The following KIF6 variants were observed in gnomAD, a reference collection of about 807,000 sequenced individuals.
KIF6 encodes kinesin-like protein KIF6.
In KIF6, 106 loss-of-function variants were observed where a neutral mutation model predicts 112.7. That is an observed-to-expected ratio of 0.94 (90% CI 0.80 to 1.11). The LOEUF is 1.11. KIF6 is among the 50% of genes least tolerant of loss of function. The probability of loss-of-function intolerance (pLI) is 0.00; values close to 1 mark genes in which losing one functional copy is unlikely to be tolerated. For missense variants in KIF6, 929 were observed against 964.0 expected (o/e 0.96, Z 0.48); for synonymous variants, 339 against 339.9 (o/e 1.00, Z 0.03).
At chr6:39,640,117 C>T (rs1007374309) in intron 3 of KIF6, among the ~76,000 whole-genome samples, 8 of 152,076 alleles carry the variant, frequency 5.3e-5, no homozygotes, top group Non-Finnish European at 1.0e-4. Context: ...TGGTACCTCA[C>T]ATGGTGTAAA....
At chr6:39,632,929 A>C (rs1582320248) in intron 5 of KIF6, among the ~76,000 whole-genome samples, 1 of 152,120 alleles carries the variant, frequency 6.6e-6, no homozygotes, top group Non-Finnish European at 1.5e-5. Context: ...CAAGCTTCAA[A>C]ATTTTTATAG....
chr6:39,441,720 C>G (rs963760892), intron 13 of KIF6, among the ~76,000 whole-genome samples: 1 of 152,246 alleles, frequency 6.6e-6, no homozygotes, highest in Non-Finnish European at 1.5e-5. Context: ...AGGACACTCA[C>G]TCAACCTACT....
chr6:39,382,411 C>T (rs1767027764), intron 16 of KIF6, among the ~76,000 whole-genome samples: 1 of 152,142 alleles, frequency 6.6e-6, no homozygotes, highest in Admixed American at 6.5e-5. Context: ...CAAGTGAGAA[C>T]ATGCGGTATA....
chr6:39,692,033 T>TA (rs747656427), intron 3 of KIF6, among the ~76,000 whole-genome samples: 1 of 152,196 alleles, frequency 6.6e-6, no homozygotes, highest in East Asian at 1.9e-4. Flanking sequence ...ATTTGGAAGA[T>TA]ACTACTCCAG....
Position 39,635,079 on chromosome 6 carries a change from G to A in KIF6, c.400-121C>T, listed in dbSNP as rs1784556655. On this transcript the variant is annotated intron_variant, in intron 4 of 22. Coordinates refer to ENST00000287152, the MANE Select transcript of KIF6 (RefSeq NM_145027.6). ...TCTCTCTTTTTCTCTCACTTTATAT[G>A]GTTTACATTTTCAGTTCATGACACT... The A allele has an allele frequency of 1.1e-5, 7 of 615,504 alleles. No individual in the cohort carries two copies. The East Asian group carries it at 2.0e-4, about 18-fold the overall frequency. 38.1% of individuals were successfully genotyped at this position (615,504 alleles called of 1,614,324 possible).
chr6:39,433,571 G>A (rs1043115547), intron 13 of KIF6, among the ~76,000 whole-genome samples: 6 of 152,142 alleles, frequency 3.9e-5, no homozygotes, highest in African/African-American at 9.7e-5. Flanking sequence ...CTTCTGTCAC[G>A]GACAAAGTAT....
At position 39,507,683 on chromosome 6, in the gene KIF6, CCTTCCTACCTTCCTTCCTT is replaced by C. The variant is rs1423971589; in HGVS notation, c.1645+32301_1645+32319del. Reference sequence around the variant, plus strand: ...TCCTTCCTTCCTTCCTTCCTTCCTTCCTTCCTACCTTCCTTCCTTCCTCCCTCCCTCCCTGCCTCCCTTC... The same window carrying C: ...TCCTTCCTTCCTTCCTTCCTTCCTTCCCTCCCTCCCTCCCTGCCTCCCTTC... On this transcript the variant is annotated intron_variant, in intron 13 of 22. Coordinates refer to ENST00000287152, the MANE Select transcript of KIF6 (RefSeq NM_145027.6). Among the ~76,000 whole-genome samples, 193 of 140,768 alleles carry C rather than the reference CCTTCCTACCTTCCTTCCTT, an allele frequency of 1.4e-3. 3 individuals carry two copies. The East Asian group carries it at 0.04, about 29-fold the overall frequency. The allele number at this position is 140,768 out of a possible 152,430, so 92.3% of individuals were successfully genotyped here.
At chr6:39,409,987 A>T (rs1769367097) in intron 15 of KIF6, among the ~76,000 whole-genome samples, 1 of 152,250 alleles carries the variant, frequency 6.6e-6, no homozygotes, top group South Asian at 2.1e-4. Context: ...TGAAACAACA[A>T]ATTACCAACT....
intron 13 of KIF6, among the ~76,000 whole-genome samples, chr6:39,533,396 G>A (rs1482335228): frequency 6.6e-6 from 1 of 152,226 alleles, no homozygotes; most frequent in Non-Finnish European, 1.5e-5. Context: ...CACCCACAGA[G>A]TCTCGCTGAT....
rs534536696 is a variant in KIF6, at chr6:39,578,145, T to C, written c.1092A>G (p.Leu364=). Residue 364 remains leucine, a synonymous_variant, in exon 10 of 23, where the codon CTA becomes CTG. Coordinates refer to ENST00000287152, the MANE Select transcript of KIF6 (RefSeq NM_145027.6). ...CCTTCAGTTCCTGGATTTCCTTTTG[T>C]AGGCGTTTAATCACCTACAAATGGC... ...EINPRLVIKR[L]QKEIQELKDE... The C allele has an allele frequency of 3.1e-6, 5 of 1,613,436 alleles. No individual in the cohort carries two copies. In the African/African-American group the frequency reaches 6.7e-5, roughly 22 times the overall value.
intron 3 of KIF6, among the ~76,000 whole-genome samples, chr6:39,700,337 TGTG>T (rs1788809476): frequency 6.6e-6 from 1 of 152,248 alleles, no homozygotes; most frequent in African/African-American, 2.4e-5. Context: ...TTTTATAAAC[TGTG>T]ACAACATTAA....
chr6:39,551,350 G>T (rs1029502108), intron 10 of KIF6, among the ~76,000 whole-genome samples: 2 of 152,128 alleles, frequency 1.3e-5, no homozygotes, highest in East Asian at 3.9e-4. Flanking sequence ...GAAGAGTAGT[G>T]GGGAGAGAGA....
intron 6 of KIF6, among the ~76,000 whole-genome samples, chr6:39,598,730 T>A (rs1203155259): frequency 6.6e-6 from 1 of 152,096 alleles, no homozygotes; most frequent in Non-Finnish European, 1.5e-5. Flanking sequence ...TAAGTAGACA[T>A]CTGTGGCAGA....
rs772211358 is a variant in KIF6, at chr6:39,613,283, A to G, written c.545T>C (p.Ile182Thr). 228 of 1,607,822 alleles carry G rather than the reference A, an allele frequency of 1.4e-4. No individual in the cohort carries two copies. Among genetic ancestry groups the G allele is most frequent in the Non-Finnish European group, 1.9e-4 (224 of 1,177,130 alleles). Residue 182 changes from isoleucine to threonine, a missense_variant, in exon 6 of 23, where the codon ATT becomes ACT. Around this residue, in one of 2 missense-constraint regions of KIF6, gnomAD observed 688 missense variants for 662.7 expected, o/e 1.04. Coordinates refer to ENST00000287152, the MANE Select transcript of KIF6 (RefSeq NM_145027.6). ...VTILEDPDQN[I>T]HLKNLTLHQA... is the part of the protein sequence containing the mutation. ...ATGGAGAGTCAAGTTTTTCAGGTGA[A>G]TGTTCTGATCAGGATCCTCCAGTAT...
At chr6:39,519,879 G>A (rs143297850) in intron 13 of KIF6, among the ~76,000 whole-genome samples, 1,673 of 152,092 alleles carry the variant, frequency 0.011, 31 homozygotes, top group South Asian at 0.057. Context: ...AAAATAAGCC[G>A]GGTGTGGTGG....
chr6:39,695,523 T>C (rs1005146083), intron 3 of KIF6, among the ~76,000 whole-genome samples: 1 of 152,114 alleles, frequency 6.6e-6, no homozygotes, highest in African/African-American at 2.4e-5. Context: ...AAAGAAGATA[T>C]ACAAATGGGC....
At chr6:39,607,337 C>A (rs918494906) in intron 6 of KIF6, among the ~76,000 whole-genome samples, 7 of 152,058 alleles carry the variant, frequency 4.6e-5, no homozygotes, top group African/African-American at 1.7e-4. Context: ...GATCAGAATG[C>A]AAACTGTGTT....
At chr6:39,451,983 C>T (rs1314199571) in intron 13 of KIF6, among the ~76,000 whole-genome samples, 1 of 152,158 alleles carries the variant, frequency 6.6e-6, no homozygotes, top group Non-Finnish European at 1.5e-5. Context: ...ACAAAGACAG[C>T]CCTTCAAAAT....
Position 39,357,295 on chromosome 6 carries a change from T to G in KIF6, c.2162A>C (p.Gln721Pro), listed in dbSNP as rs1764777389. 1.9e-6 allele frequency: 3 copies of G among 1,613,044 alleles called. No individual in the cohort carries two copies. Among genetic ancestry groups the G allele is most frequent in the Non-Finnish European group, 2.5e-6 (3 of 1,179,232 alleles). ...QTSDSQHEWS[Q>P]LLSNKSSGGW... Reference sequence around the variant, plus strand: ...ACCTTACCTTTTGTTAGAGAGGAGTTGGGACCATTCATGCTGGGAGTCAGA... The same window carrying G: ...ACCTTACCTTTTGTTAGAGAGGAGTGGGGACCATTCATGCTGGGAGTCAGA... Residue 721 changes from glutamine to proline, a missense_variant, in exon 19 of 23, where the codon CAA (glutamine) becomes CCA (proline). Transcript: ENST00000287152.
Sources: gnomAD v4.1 joint callset for allele counts (sites outside exome capture counted in the v4.1 genomes callset) on GRCh38, gnomAD v4.1.1 for gene constraint, gnomAD v4.1.1 regional missense constraint, MANE v1.5 for transcripts, NCBI Gene and HGNC (gene_info 2026-07-23, HGNC 2026-07-21) for gene names.